Variants in CACNA2D1 observed in about 807,000 individuals in gnomAD.
The protein encoded by CACNA2D1 is voltage-dependent calcium channel subunit alpha-2/delta-1.
Under a neutral mutation model 171.5 loss-of-function variants are expected in CACNA2D1, and 53 were observed. The ratio of observed to expected loss-of-function variants is 0.31; its 90% CI spans 0.25 to 0.39. The LOEUF is 0.39. Among genes scored for constraint, CACNA2D1 ranks in the 10% least tolerant of loss-of-function variants. CACNA2D1 has a pLI of 1.00. For synonymous variants in CACNA2D1, 442 were observed against 443.1 expected (o/e 1.00, Z 0.03); for missense variants, 903 against 1,299.8 (o/e 0.69, Z 4.69).
chr7:82,322,422 C>A, intron 3 of CACNA2D1, among the ~76,000 whole-genome samples: 1 of 131,886 alleles, frequency 7.6e-6, no homozygotes, highest in South Asian at 2.3e-4. Context: ...TGAGACCAGC[C>A]TAGGCAAAAC....
chr7:82,399,694 C>T (rs1826140893), intron 1 of CACNA2D1, among the ~76,000 whole-genome samples: 1 of 141,728 alleles, frequency 7.1e-6, no homozygotes, highest in South Asian at 2.4e-4. Context: ...CTCCCCACCC[C>T]CCCAGCCCCC....
chr7:82,370,423 T>TTA (rs139721889), intron 1 of CACNA2D1, among the ~76,000 whole-genome samples: 1,653 of 151,876 alleles, frequency 0.011, 35 homozygotes, highest in African/African-American at 0.038. Context: ...TTAAAATTAG[T>TTA]GATAAGAAAC....
intron 27 of CACNA2D1, 135 bp downstream of exon 27, chr7:81,970,540 C>T (rs765133541): frequency 3.9e-5 from 27 of 689,940 alleles, no homozygotes; most frequent in Non-Finnish European, 5.9e-5. Context: ...AATGTAAATA[C>T]TGTAAACAAT....
chr7:82,335,086 T>A (rs1420973230), intron 3 of CACNA2D1, 49 bp downstream of exon 3: 1 of 1,173,432 alleles, frequency 8.5e-7, no homozygotes, highest in Non-Finnish European at 1.3e-6. Flanking sequence ...AATTAAATAA[T>A]AGATAAGTAA....
At chr7:81,975,600 GTTTT>G (rs546904936) in intron 24 of CACNA2D1, among the ~76,000 whole-genome samples, 1 of 151,922 alleles carries the variant, frequency 6.6e-6, no homozygotes, top group Non-Finnish European at 1.5e-5. Flanking sequence ...AATATTAATA[GTTTT>G]TTTGCCTTCT....
In CACNA2D1 at chr7:82,136,680, C is replaced by CAA. The variant is rs142849270; in HGVS notation, c.355-6_355-5dup. 3.2e-3 allele frequency: 4,270 copies of CAA among 1,325,098 alleles called. 14 individuals carry two copies. Among genetic ancestry groups the CAA allele is most frequent in the South Asian group, 0.032 (2,207 of 69,588 alleles). The allele number at this position is 1,325,098 out of a possible 1,614,324, so 82.1% of individuals were successfully genotyped here. A position where few individuals can be genotyped will look rare whatever the true frequency, so the allele number is the denominator to read the frequency against. ...TGTAGTAGACAACTTCATTGCTCTA[C>CAA]AAAAAAAAAAGAACGCTTTATTGAT... On this transcript the variant is annotated splice_region_variant and splice_polypyrimidine_tract_variant and intron_variant, in intron 4 of 38. Transcript: ENST00000356860.
At chr7:82,304,622 T>C (rs1170017041) in intron 3 of CACNA2D1, among the ~76,000 whole-genome samples, 1 of 152,138 alleles carries the variant, frequency 6.6e-6, no homozygotes, top group African/African-American at 2.4e-5. Context: ...AAATATCACA[T>C]GTTCTCATTC....
intron 3 of CACNA2D1, among the ~76,000 whole-genome samples, chr7:82,331,654 A>T (rs965443675): frequency 1.3e-5 from 2 of 152,182 alleles, no homozygotes; most frequent in African/African-American, 4.8e-5. Flanking sequence ...CCCTCACAAG[A>T]CTCAAATAAT....
At chr7:82,128,563 G>A (rs890246648) in intron 5 of CACNA2D1, among the ~76,000 whole-genome samples, 5 of 152,218 alleles carry the variant, frequency 3.3e-5, no homozygotes, top group South Asian at 2.1e-4. Context: ...TTAAATACTT[G>A]TTTTACCTTG....
intron 1 of CACNA2D1, among the ~76,000 whole-genome samples, chr7:82,442,913 C>T (rs977353289): frequency 1.3e-5 from 2 of 152,318 alleles, no homozygotes; most frequent in East Asian, 3.9e-4. Flanking sequence ...TCTCCGAGGC[C>T]AAGTGCGGGG....
At chr7:81,978,160 A>T (rs1369064305) in intron 24 of CACNA2D1, among the ~76,000 whole-genome samples, 1 of 152,212 alleles carries the variant, frequency 6.6e-6, no homozygotes, top group Non-Finnish European at 1.5e-5. Flanking sequence ...TGGTTCAACC[A>T]TTGTGGAAGA....
chr7:81,970,915 G>T, intron 26 of CACNA2D1, 178 bp from the exon 27 acceptor site: 1 of 582,554 alleles, frequency 1.7e-6, no homozygotes, highest in Non-Finnish European at 3.1e-6. Context: ...GGATGTTTAA[G>T]GAAGACATCT....
intron 6 of CACNA2D1, among the ~76,000 whole-genome samples, chr7:82,107,586 C>CT (rs72498624): frequency 0.083 from 11,236 of 135,568 alleles, 990 homozygotes; most frequent in African/African-American, 0.22. Context: ...TGAAAATAAA[C>CT]TTTTTTTTTT....
intron 7 of CACNA2D1, among the ~76,000 whole-genome samples, chr7:82,077,609 C>T (rs746267412): frequency 3.3e-5 from 5 of 152,288 alleles, no homozygotes; most frequent in Admixed American, 6.5e-5. Flanking sequence ...TTTGCTTCAA[C>T]TGGTAGCTAG....
intron 7 of CACNA2D1, among the ~76,000 whole-genome samples, chr7:82,074,724 G>A (rs1381864497): frequency 2.6e-5 from 4 of 151,556 alleles, no homozygotes; most frequent in African/African-American, 7.3e-5. Context: ...TTCCTCCTTC[G>A]TCCAGACTTA....
rs57832901 is a variant in CACNA2D1, at chr7:82,192,399, A to AATAT, written c.295-21794_295-21791dup. Among the ~76,000 whole-genome samples the AATAT allele has an allele frequency of 1.8e-3, 257 of 146,712 alleles. 3 individuals carry two copies. Among genetic ancestry groups the AATAT allele is most frequent in the African/African-American group, 5.6e-3 (220 of 39,522 alleles). ...TATCTAGTTAACAAAAAACAGGGGA[A>AATAT]ATATATATATATATATATATATGTC... On this transcript the variant is annotated intron_variant, in intron 3 of 38. Transcript: ENST00000356860.
At chr7:82,246,292 A>G (rs1247353783) in intron 3 of CACNA2D1, among the ~76,000 whole-genome samples, 1 of 151,772 alleles carries the variant, frequency 6.6e-6, no homozygotes, top group Non-Finnish European at 1.5e-5. Context: ...TTTAATTTAT[A>G]CATATCACAT....
At chr7:82,074,970 G>A (rs2005908) in intron 7 of CACNA2D1, among the ~76,000 whole-genome samples, 56,146 of 151,560 alleles carry the variant, frequency 0.37, 10,952 homozygotes, top group Non-Finnish European at 0.43. Context: ...CCATCAACCC[G>A]TCATCTACAT....
At chr7:82,239,282 A>C (rs1366528954) in intron 3 of CACNA2D1, among the ~76,000 whole-genome samples, 1 of 152,022 alleles carries the variant, frequency 6.6e-6, no homozygotes, top group South Asian at 2.1e-4. Context: ...ATATGGAACC[A>C]ATACGATAAA....
Sources: allele counts gnomAD v4.1 joint callset (sites outside exome capture counted in the v4.1 genomes callset), GRCh38; gene constraint gnomAD v4.1.1; transcripts MANE v1.5; gene names NCBI Gene and HGNC (gene_info 2026-07-23, HGNC 2026-07-21).